The following NELL2 variants were observed in gnomAD, a reference collection of about 807,000 sequenced individuals.
NELL2 encodes protein kinase C-binding protein NELL2.
Under a neutral mutation model 109.6 loss-of-function variants are expected in NELL2, and 41 were observed. The observed-to-expected ratio is 0.37, with a 90% CI of 0.29 to 0.49. The LOEUF is 0.49. Ranked by LOEUF, NELL2 falls within the 20% of genes least tolerant of loss-of-function variation. NELL2 has a pLI of 0.98. For synonymous variants in NELL2, 355 were observed against 344.7 expected (o/e 1.03, Z -0.33); for missense variants, 900 against 1,008.3 (o/e 0.89, Z 1.45).
At chr12:44,550,262 T>C (rs898185994) in intron 15 of NELL2, among the ~76,000 whole-genome samples, 5 of 151,800 alleles carry the variant, frequency 3.3e-5, no homozygotes, top group African/African-American at 1.2e-4. Context: ...AAAAATCAAC[T>C]CAAAATAAAA....
In NELL2 at chr12:44,615,061, G is replaced by A. The variant is rs542421227; in HGVS notation, c.1445-4091C>T. Among the ~76,000 whole-genome samples, 8 of 152,104 alleles carry A rather than the reference G, an allele frequency of 5.3e-5. No individual in the cohort carries two copies. The South Asian group carries it at 1.7e-3, about 31-fold the overall frequency. On this transcript the variant is annotated intron_variant, in intron 13 of 19. Coordinates refer to ENST00000429094, the MANE Select transcript of NELL2 (RefSeq NM_001145108.2). ...TCAAAAAGCTTACAGTTTAGTTGAAGACATAAGTAAAAAAACACAAAGCTT... is the reference window on the plus strand; with the variant it reads ...TCAAAAAGCTTACAGTTTAGTTGAAAACATAAGTAAAAAAACACAAAGCTT...
At chr12:44,706,863 T>TA (rs1159338335) in intron 11 of NELL2, among the ~76,000 whole-genome samples, 1 of 152,204 alleles carries the variant, frequency 6.6e-6, no homozygotes, top group Non-Finnish European at 1.5e-5. Context: ...TTGCAAGCTT[T>TA]ACAAAATTAC....
In NELL2 at chr12:44,816,080, G is replaced by A. The variant is rs759954881; in HGVS notation, c.241C>T (p.Leu81=). 2 of 1,613,226 alleles carry A rather than the reference G, an allele frequency of 1.2e-6. No individual in the cohort carries two copies. The highest frequency in any genetic ancestry group is 1.7e-6 in the Non-Finnish European group (2 of 1,179,780). The change falls in exon 3 of 20, where the codon CTG becomes TTG. Residue 81 remains leucine (L), a synonymous_variant. Coordinates refer to ENST00000429094, the MANE Select transcript of NELL2 (RefSeq NM_001145108.2). ...ATAGTAAATTCATGTTTATTTCTCA[G>A]CTTCTGAAAAAACTGTTCAGCTGTA... ...TATAEQFFQK[L]RNKHEFTILV...
At chr12:44,656,849 A>G (rs1292413627) in intron 13 of NELL2, among the ~76,000 whole-genome samples, 2 of 152,188 alleles carry the variant, frequency 1.3e-5, no homozygotes, top group East Asian at 3.9e-4. Flanking sequence ...AGCTATTTTT[A>G]AATAGCTGAT....
intron 9 of NELL2, among the ~76,000 whole-genome samples, chr12:44,744,113 G>C (rs930186362): frequency 6.6e-6 from 1 of 152,144 alleles, no homozygotes; most frequent in Non-Finnish European, 1.5e-5. Flanking sequence ...TCAGACCACA[G>C]TGCAATCAAA....
At chr12:44,797,788 C>A (rs1410159058) in intron 3 of NELL2, among the ~76,000 whole-genome samples, 2 of 148,106 alleles carry the variant, frequency 1.4e-5, no homozygotes, top group African/African-American at 2.5e-5. Context: ...TGAAAAAATC[C>A]AATTCTTTGA....
chr12:44,681,739 A>G (rs913102920), intron 12 of NELL2, among the ~76,000 whole-genome samples: 13 of 152,154 alleles, frequency 8.5e-5, no homozygotes, highest in African/African-American at 2.7e-4. Context: ...CCTACAAAGG[A>G]CATGAACTCA....
chr12:44,896,856 G>A (rs1009706360), intron 1 of NELL2, among the ~76,000 whole-genome samples: 8 of 152,236 alleles, frequency 5.3e-5, no homozygotes, highest in African/African-American at 9.6e-5. Flanking sequence ...AGATGGACAA[G>A]TGGAAGATAT....
upstream of NELL2, among the ~76,000 whole-genome samples, chr12:44,915,674 A>G (rs1455266888): frequency 6.6e-6 from 1 of 152,210 alleles, no homozygotes; most frequent in Non-Finnish European, 1.5e-5. Context: ...AAGCTTATTC[A>G]AAAAAATAAA....
chr12:44,678,071 G>C (rs1326028164), intron 12 of NELL2, among the ~76,000 whole-genome samples: 1 of 151,976 alleles, frequency 6.6e-6, no homozygotes, highest in African/African-American at 2.4e-5. Context: ...GATGTAGAAT[G>C]AGCAGAAAAC....
intron 3 of NELL2, among the ~76,000 whole-genome samples, chr12:44,799,300 T>G (rs1308686551): frequency 1.3e-5 from 2 of 152,006 alleles, no homozygotes; most frequent in African/African-American, 2.4e-5. Flanking sequence ...ATGACCTTTG[T>G]GCAATACAGT....
intron 15 of NELL2, among the ~76,000 whole-genome samples, chr12:44,575,759 A>G: frequency 6.6e-6 from 1 of 152,238 alleles, no homozygotes; most frequent in South Asian, 2.1e-4. Flanking sequence ...AGTTCCAGTC[A>G]TCTCTCACAT....
At chr12:44,861,641 G>A (rs1944846802) in intron 2 of NELL2, among the ~76,000 whole-genome samples, 1 of 152,018 alleles carries the variant, frequency 6.6e-6, no homozygotes, top group Admixed American at 6.5e-5. Context: ...CTATCCACAG[G>A]GGCCAGCCCA....
chr12:44,825,647 C>T lies in NELL2; in HGVS notation c.185-9511G>A, dbSNP rs191407299. Among the ~76,000 whole-genome samples the T allele has an allele frequency of 1.1e-3, 159 of 150,612 alleles. 1 individual carries two copies. The highest frequency in any genetic ancestry group is 1.6e-3 in the Non-Finnish European group (108 of 67,572). On this transcript the variant is annotated intron_variant, in intron 2 of 19. Transcript: ENST00000429094. ...TTGACCTCAGGTGATCCGACTGCCT[C>T]GGCCTCCCAAAGTGCTGGGATTACA... is the stretch of plus-strand genomic sequence containing the variant.
At chr12:44,781,674 T>C (rs372230938) in intron 3 of NELL2, among the ~76,000 whole-genome samples, 1 of 152,038 alleles carries the variant, frequency 6.6e-6, no homozygotes, top group African/African-American at 2.4e-5. Context: ...GCACATTAAG[T>C]ACAAGGAAAA....
chr12:44,508,801 T>G lies in NELL2; in HGVS notation c.*133A>C, dbSNP rs1262144717. The G allele has an allele frequency of 2.7e-6, 2 of 733,546 alleles. No homozygotes were observed. Among genetic ancestry groups the G allele is most frequent in the African/African-American group, 1.8e-5 (1 of 56,118 alleles). The allele number at this position is 733,546 out of a possible 1,614,324, so 45.4% of individuals were successfully genotyped here. A position where few individuals can be genotyped will look rare whatever the true frequency, so the allele number is the denominator to read the frequency against. ...TGTCAAGCTCCACAAATTTCATAAT[T>G]GAAAGTTCACTCAGCTATTAACAAA... On this transcript the variant is annotated 3_prime_UTR_variant, in exon 20 of 20. Transcript: ENST00000429094.
At chr12:44,909,742 G>GAC (rs71435995) in intron 1 of NELL2, among the ~76,000 whole-genome samples, 13,812 of 144,468 alleles carry the variant, frequency 0.096, 1,108 homozygotes, top group African/African-American at 0.22. Context: ...CACAGACACA[G>GAC]ACACACACAC....
intron 2 of NELL2, among the ~76,000 whole-genome samples, chr12:44,859,528 G>A (rs1944777571): frequency 6.6e-6 from 1 of 152,160 alleles, no homozygotes; most frequent in Admixed American, 6.5e-5. Flanking sequence ...GTGACAGAGT[G>A]AGACTCCATC....
chr12:44,555,293 T>A (rs1223873667), intron 15 of NELL2, among the ~76,000 whole-genome samples: 1 of 152,162 alleles, frequency 6.6e-6, no homozygotes. Flanking sequence ...TGCTTACAGG[T>A]TCATTATGCA....
Sources: gnomAD v4.1 joint callset for allele counts (sites outside exome capture counted in the v4.1 genomes callset) on GRCh38, gnomAD v4.1.1 for gene constraint, MANE v1.5 for transcripts, NCBI Gene and HGNC (gene_info 2026-07-23, HGNC 2026-07-21) for gene names.